The following RAPGEF4 variants were observed in gnomAD, a reference collection of about 807,000 sequenced individuals.
RAPGEF4 encodes RAP guanine-nucleotide-exchange factor (GEF) 4.
In RAPGEF4, 66 loss-of-function variants were observed where a neutral mutation model predicts 147.9. That is an observed-to-expected ratio of 0.45 (90% CI 0.37 to 0.55). The LOEUF is 0.55. Ranked by LOEUF, RAPGEF4 falls within the 20% of genes least tolerant of loss-of-function variation. The pLI is 0.00. For missense variants in RAPGEF4, 1,071 were observed against 1,257.3 expected, an observed-to-expected ratio of 0.85 and a Z score of 2.24; for synonymous variants, 419 against 442.7, an observed-to-expected ratio of 0.95 and a Z score of 0.67.
intron 6 of RAPGEF4, among the ~76,000 whole-genome samples, chr2:172,954,343 A>G (rs904522617): frequency 4.6e-5 from 7 of 152,136 alleles, no homozygotes; most frequent in African/African-American, 1.7e-4. Flanking sequence ...TTGCAACCTC[A>G]ATTCTCTGAG....
At chr2:172,746,689 T>C (rs1242835387) in intron 1 of RAPGEF4, among the ~76,000 whole-genome samples, 5 of 151,992 alleles carry the variant, frequency 3.3e-5, no homozygotes, top group Non-Finnish European at 5.9e-5. Context: ...CTCAGCTCAC[T>C]GCAAACTCCG....
chr2:172,995,496 T>C (rs1193282735), intron 15 of RAPGEF4, among the ~76,000 whole-genome samples: 2 of 152,156 alleles, frequency 1.3e-5, no homozygotes, highest in African/African-American at 2.4e-5. Context: ...CCCAGGCTGG[T>C]TGCGAACTTC....
At chr2:172,973,495 G>T (rs144596946) in intron 10 of RAPGEF4, among the ~76,000 whole-genome samples, 1 of 152,178 alleles carries the variant, frequency 6.6e-6, no homozygotes, top group Non-Finnish European at 1.5e-5. Flanking sequence ...GCCAGATAGG[G>T]GCACAGGTGG....
intron 4 of RAPGEF4, among the ~76,000 whole-genome samples, chr2:172,871,406 C>CA (rs1272308302): frequency 6.6e-6 from 1 of 152,136 alleles, no homozygotes; most frequent in Non-Finnish European, 1.5e-5. Flanking sequence ...TTCAAGAACT[C>CA]ACAGAAATGG....
chr2:172,963,878 G>A (rs894012245), intron 8 of RAPGEF4, among the ~76,000 whole-genome samples: 4 of 152,222 alleles, frequency 2.6e-5, no homozygotes, highest in South Asian at 2.1e-4. Context: ...ATTCTAAATC[G>A]TCTAGGGATC....
chr2:173,044,505 T>C (rs756212938), intron 29 of RAPGEF4, among the ~76,000 whole-genome samples: 12 of 152,162 alleles, frequency 7.9e-5, no homozygotes, highest in Non-Finnish European at 1.2e-4. Context: ...GTCACAGAGT[T>C]CTTCACTCAC....
intron 14 of RAPGEF4, 95 bp from the exon 15 acceptor site, chr2:172,990,715 T>C (rs1266727032): frequency 7.3e-6 from 6 of 818,028 alleles, no homozygotes; most frequent in Non-Finnish European, 1.2e-5. Flanking sequence ...ACAATTAGCA[T>C]GACAAGCACC....
At chr2:172,902,176 G>C (rs1001525343) in intron 4 of RAPGEF4, among the ~76,000 whole-genome samples, 1 of 152,142 alleles carries the variant, frequency 6.6e-6, no homozygotes, top group Non-Finnish European at 1.5e-5. Flanking sequence ...TAGGGGAGGC[G>C]AGTGGGGGCT....
At chr2:172,859,004 G>A (rs959812785) in intron 4 of RAPGEF4, among the ~76,000 whole-genome samples, 6 of 152,100 alleles carry the variant, frequency 3.9e-5, no homozygotes, top group Non-Finnish European at 7.4e-5. Context: ...ATTAGGATTA[G>A]GGAAATGAAT....
chr2:172,964,401 A>ATTTTTTTTTTTTTTTTTTTTTTTT (rs11374637), intron 8 of RAPGEF4, among the ~76,000 whole-genome samples: 1 of 115,166 alleles, frequency 8.7e-6, no homozygotes, highest in Non-Finnish European at 1.7e-5. Flanking sequence ...TGCTCCTCCT[A>ATTTTTTTTTTTTTTTTTTTTTTTT]TTTTTTTTTT....
intron 1 of RAPGEF4, among the ~76,000 whole-genome samples, chr2:172,787,235 A>T (rs1232797888): frequency 3.9e-5 from 6 of 152,270 alleles, no homozygotes; most frequent in Admixed American, 1.3e-4. Context: ...AAAAAAATTT[A>T]AAAACCCTAT....
At chr2:172,784,095 C>A (rs933365313) in intron 1 of RAPGEF4, among the ~76,000 whole-genome samples, 1 of 152,288 alleles carries the variant, frequency 6.6e-6, no homozygotes, top group South Asian at 2.1e-4. Context: ...TTGATACTTG[C>A]TGTAGATGTA....
intron 1 of RAPGEF4, among the ~76,000 whole-genome samples, chr2:172,766,145 TTGAGGCAC>T (rs1300218046): frequency 6.6e-6 from 1 of 152,212 alleles, no homozygotes; most frequent in Non-Finnish European, 1.5e-5. Flanking sequence ...TTAAGTTCAG[TTGAGGCAC>T]TGAATTTTTA....
At chr2:172,883,892 A>C (rs1197816517) in intron 4 of RAPGEF4, among the ~76,000 whole-genome samples, 1 of 152,230 alleles carries the variant, frequency 6.6e-6, no homozygotes, top group Non-Finnish European at 1.5e-5. Context: ...CCTTGCATTT[A>C]GGTTAGTGAA....
chr2:172,746,651 C>T (rs1041878386), intron 1 of RAPGEF4, among the ~76,000 whole-genome samples: 7 of 150,922 alleles, frequency 4.6e-5, no homozygotes, highest in East Asian at 1.9e-4. Context: ...CTTACTCTGT[C>T]GCCCAGGCTG....
At chr2:173,049,555 G>A (rs1028700284) in intron 30 of RAPGEF4, among the ~76,000 whole-genome samples, 3 of 152,208 alleles carry the variant, frequency 2.0e-5, no homozygotes, top group African/African-American at 7.2e-5. Flanking sequence ...TGATGTTCTT[G>A]TTTTATTAGT....
In RAPGEF4 at chr2:173,018,784, A is replaced by G; in HGVS notation, c.2137A>G (p.Lys713Glu). ...CTCCGGGGAGGGCCTGATCATAGTC[A>G]AGATGAGTTCCGGAGGAGGTAACAG... ...LGSGEGLIIV[K>E]MSSGGEKVVL... is the part of the protein sequence containing the mutation. The change falls in exon 22 of 31, where the codon AAG becomes GAG. Residue 713 changes from lysine to glutamate, a missense_variant. Lys to Glu is a moderately conservative substitution (Grantham distance 56). Transcript: ENST00000397081. 1 of 1,613,898 alleles carries G rather than the reference A, an allele frequency of 6.2e-7. No individual in the cohort carries two copies.
intron 4 of RAPGEF4, among the ~76,000 whole-genome samples, chr2:172,847,043 T>C (rs1692274535): frequency 6.6e-6 from 1 of 152,204 alleles, no homozygotes; most frequent in Admixed American, 6.5e-5. Context: ...AATTAATGGA[T>C]GATTGAATAC....
intron 30 of RAPGEF4, among the ~76,000 whole-genome samples, chr2:173,050,431 T>A (rs1184153077): frequency 6.6e-6 from 1 of 152,172 alleles, no homozygotes; most frequent in Admixed American, 6.5e-5. Flanking sequence ...TTTTCTGCCT[T>A]CAGACCTGCA....
Sources: gnomAD v4.1 joint callset for allele counts (sites outside exome capture counted in the v4.1 genomes callset) on GRCh38, gnomAD v4.1.1 for gene constraint, MANE v1.5 for transcripts, NCBI Gene and HGNC (gene_info 2026-07-23, HGNC 2026-07-21) for gene names.